PCP4: variants seen among roughly 807,000 people sequenced by gnomAD.
PCP4 encodes calmodulin regulator protein PCP4.
PCP4 carries 8 observed loss-of-function variants against 10.0 expected under a neutral mutation model. That is an observed-to-expected ratio of 0.80 (90% CI 0.47 to 1.45). The LOEUF (loss-of-function observed/expected upper bound fraction) is 1.45. Among genes scored for constraint, PCP4 ranks in the 40% most tolerant of loss-of-function variants. PCP4 has a pLI of 0.00. For missense variants in PCP4, 54 were observed against 74.4 expected (o/e 0.73, Z 1.01); for synonymous variants, 21 against 23.0 (o/e 0.91, Z 0.24).
intron 2 of PCP4, among the ~76,000 whole-genome samples, chr21:39,904,238 C>A (rs182630219): frequency 6.2e-4 from 94 of 152,292 alleles, no homozygotes; most frequent in African/African-American, 2.1e-3. Context: ...CCCCCTACCC[C>A]TGGCCCTTTG....
At chr21:39,883,943 A>G (rs937971192) in intron 1 of PCP4, among the ~76,000 whole-genome samples, 7 of 152,226 alleles carry the variant, frequency 4.6e-5, no homozygotes, top group African/African-American at 1.7e-4. Flanking sequence ...GTTCTCACAC[A>G]TTAATGAGGT....
rs184625093 is a variant in PCP4, at chr21:39,890,375, G to C, written c.10-8101G>C. Among the ~76,000 whole-genome samples, 203 of 152,070 alleles carry C rather than the reference G, an allele frequency of 1.3e-3. 1 individual carries two copies. The highest frequency in any genetic ancestry group is 2.4e-3 in the Non-Finnish European group (161 of 67,996). On this transcript the variant is annotated intron_variant, in intron 1 of 2. Transcript: ENST00000328619. The stretch of plus-strand genomic sequence containing the variant: ...CGTTATCTATTTATTTATTTATTTT[G>C]AGACAGCCTCACTCTTGTTGCCCAG...
At chr21:39,900,808 C>T (rs754128571) in intron 2 of PCP4, among the ~76,000 whole-genome samples, 9 of 152,000 alleles carry the variant, frequency 5.9e-5, no homozygotes, top group Non-Finnish European at 1.0e-4. Context: ...TCTTCTTAGA[C>T]CATAGGGTCA....
At chr21:39,879,204 G>T (rs915052476) in intron 1 of PCP4, among the ~76,000 whole-genome samples, 1 of 152,054 alleles carries the variant, frequency 6.6e-6, no homozygotes, top group African/African-American at 2.4e-5. Context: ...GGCCGGGCTG[G>T]TCTCAAACTC....
intron 1 of PCP4, among the ~76,000 whole-genome samples, chr21:39,869,888 G>A (rs950675464): frequency 6.6e-6 from 1 of 152,220 alleles, no homozygotes; most frequent in African/African-American, 2.4e-5. Flanking sequence ...AATTACCAAA[G>A]AAAGCCAGAG....
chr21:39,888,007 C>T (rs1205720915), intron 1 of PCP4, among the ~76,000 whole-genome samples: 1 of 152,168 alleles, frequency 6.6e-6, no homozygotes, highest in Non-Finnish European at 1.5e-5. Flanking sequence ...CGTGTTTTTC[C>T]CCTTTTTTAT....
intron 1 of PCP4, among the ~76,000 whole-genome samples, chr21:39,872,538 C>T (rs1252788447): frequency 6.6e-6 from 1 of 152,084 alleles, no homozygotes; most frequent in Non-Finnish European, 1.5e-5. Context: ...TGCATGCATA[C>T]AGGTTTATGT....
chr21:39,898,249 T>C (rs1401720464), intron 1 of PCP4: 1 of 573,150 alleles, frequency 1.7e-6, no homozygotes, highest in Non-Finnish European at 3.1e-6. Context: ...GTGACCTGCA[T>C]TCCTAGAGCA....
At chr21:39,878,722 G>C (rs952452023) in intron 1 of PCP4, among the ~76,000 whole-genome samples, 2 of 152,116 alleles carry the variant, frequency 1.3e-5, no homozygotes, top group Non-Finnish European at 2.9e-5. Context: ...GTATCTATCC[G>C]TGCTTGCTCA....
chr21:39,898,452 T>C, intron 1 of PCP4, 24 bp from the exon 2 acceptor site: 1 of 1,606,170 alleles, frequency 6.2e-7, no homozygotes, highest in East Asian at 2.2e-5. Flanking sequence ...ACAATTGCTT[T>C]TTTCTTTTAT....
intron 2 of PCP4, among the ~76,000 whole-genome samples, chr21:39,899,097 A>G (rs942395365): frequency 1.3e-5 from 2 of 152,186 alleles, no homozygotes; most frequent in Non-Finnish European, 2.9e-5. Context: ...AGGAATGATC[A>G]TCATATTTTT....
At position 39,906,758 on chromosome 21, in the gene PCP4, C is replaced by G. The variant is rs2087512620; in HGVS notation, c.61+8231C>G. On this transcript the variant is annotated intron_variant, in intron 2 of 2. Coordinates refer to ENST00000328619, the MANE Select transcript of PCP4 (RefSeq NM_006198.3). The surrounding 1 kb of genome is among the most constrained non-coding windows in gnomAD (Gnocchi z 6.3). Reference sequence around the variant, plus strand: ...TGAAAAAGTAAAGTTATACATTATTCTCAATGAATTACTCTTAAAGATCTT... The same window carrying G: ...TGAAAAAGTAAAGTTATACATTATTGTCAATGAATTACTCTTAAAGATCTT... 6.6e-6 allele frequency among the ~76,000 whole-genome samples: 1 copy of G among 152,152 alleles called. No individual in the cohort carries two copies. The highest frequency in any genetic ancestry group is 6.5e-5 in the Admixed American group (1 of 15,272).
intron 2 of PCP4, among the ~76,000 whole-genome samples, chr21:39,922,650 G>T (rs555153894): frequency 9.2e-5 from 14 of 152,168 alleles, no homozygotes; most frequent in Non-Finnish European, 1.8e-4. Context: ...GGTCCTGGTG[G>T]TTTAATGAGG....
intron 1 of PCP4, among the ~76,000 whole-genome samples, chr21:39,880,705 C>A (rs2065317): frequency 3.8e-4 from 57 of 151,992 alleles, no homozygotes; most frequent in Non-Finnish European, 7.4e-4. Flanking sequence ...AGAATGCAGA[C>A]GTACTAGGCT....
chr21:39,919,157 G>A (rs1394198319), intron 2 of PCP4, among the ~76,000 whole-genome samples: 1 of 152,178 alleles, frequency 6.6e-6, no homozygotes, highest in East Asian at 1.9e-4. Context: ...TCAAGGGCAA[G>A]GGTTTGGGTC....
chr21:39,870,930 G>A (rs1052631264), intron 1 of PCP4, among the ~76,000 whole-genome samples: 1 of 152,170 alleles, frequency 6.6e-6, no homozygotes, highest in Non-Finnish European at 1.5e-5. Flanking sequence ...TTGGCCGCAG[G>A]GCAAGGCGAT....
chr21:39,880,118 A>ATATCTG (rs1254197282), intron 1 of PCP4, among the ~76,000 whole-genome samples: 20 of 137,990 alleles, frequency 1.4e-4, no homozygotes, highest in South Asian at 6.8e-4. Context: ...ATCTATATCT[A>ATATCTG]TATCTATATC....
At chr21:39,895,955 C>T (rs11911943) in intron 1 of PCP4, among the ~76,000 whole-genome samples, 22,006 of 152,192 alleles carry the variant, frequency 0.14, 1,704 homozygotes, top group Middle Eastern at 0.17. Context: ...CTTTCAATAA[C>T]GAGTTCTTTT....
At chr21:39,880,831 C>T (rs1356736761) in intron 1 of PCP4, among the ~76,000 whole-genome samples, 1 of 152,184 alleles carries the variant, frequency 6.6e-6, no homozygotes, top group Non-Finnish European at 1.5e-5. Context: ...GACCTTTGGC[C>T]ATTTGTAAGT....
Sources: allele counts gnomAD v4.1 joint callset (sites outside exome capture counted in the v4.1 genomes callset), GRCh38; gene constraint gnomAD v4.1.1; non-coding constraint Gnocchi (gnomAD v3.1); transcripts MANE v1.5; gene names NCBI Gene and HGNC (gene_info 2026-07-23, HGNC 2026-07-21).